PDE1A: variants seen among roughly 807,000 people sequenced by gnomAD.
PDE1A encodes the protein dual specificity calcium/calmodulin-dependent 3',5'-cyclic nucleotide phosphodiesterase 1A.
Under a neutral mutation model 61.7 loss-of-function variants are expected in PDE1A, and 35 were observed. The ratio of observed to expected loss-of-function variants is 0.57; its 90% confidence interval spans 0.43 to 0.75. The LOEUF (loss-of-function observed/expected upper bound fraction) is 0.75, where lower values mean the gene tolerates loss of function less well. Among genes scored for constraint, PDE1A ranks in the 30% least tolerant of loss-of-function variants. The probability of loss-of-function intolerance (pLI) is 0.00; values close to 1 mark genes in which losing one functional copy is unlikely to be tolerated. For missense variants in PDE1A, 597 were observed against 630.6 expected (o/e 0.95, Z 0.57); for synonymous variants, 232 against 213.2 (o/e 1.09, Z -0.77).
intron 13 of PDE1A, among the ~76,000 whole-genome samples, chr2:182,182,258 G>T (rs943111963): frequency 2.0e-5 from 3 of 152,100 alleles, no homozygotes; most frequent in African/African-American, 4.8e-5. Context: ...CATCATTTTT[G>T]ATTCTTCTCT....
At chr2:182,163,721 G>A (rs1250124764), downstream of PDE1A, among the ~76,000 whole-genome samples, 4 of 152,148 alleles carry the variant, frequency 2.6e-5, no homozygotes, top group Non-Finnish European at 5.9e-5. Flanking sequence ...ACATATTTGG[G>A]TGTGTTACCC....
intron 1 of PDE1A, among the ~76,000 whole-genome samples, chr2:182,366,481 C>T (rs751860604): frequency 6.6e-6 from 1 of 151,994 alleles, no homozygotes; most frequent in Non-Finnish European, 1.5e-5. Flanking sequence ...AAACTAACCA[C>T]CTCTCTATAA....
intron 4 of PDE1A, 51 bp from the exon 5 acceptor site, chr2:182,231,182 C>A (rs140972566): frequency 1.9e-4 from 177 of 919,262 alleles, no homozygotes; most frequent in African/African-American, 1.3e-3. Context: ...ACTGTTTCTA[C>A]GAGAATTTAT....
chr2:182,147,196 C>T (rs773951853), intron 13 of PDE1A, 44 bp from the exon 14 acceptor site: 1 of 1,210,848 alleles, frequency 8.3e-7, no homozygotes, highest in South Asian at 1.3e-5. Context: ...CAAAATAAGG[C>T]TTTGGAAAAA....
At chr2:182,701,670 G>C in the PDE1A span, among the ~76,000 whole-genome samples, 1 of 151,884 alleles carries the variant, frequency 6.6e-6, no homozygotes, top group Non-Finnish European at 1.5e-5. Context: ...CACTGTGTCC[G>C]GGCTGGCTTG....
At chr2:182,479,367 C>A (rs1687566970) in intron 2 of PDE1A, among the ~76,000 whole-genome samples, 1 of 151,926 alleles carries the variant, frequency 6.6e-6, no homozygotes, top group South Asian at 2.1e-4. Context: ...CATAACAATT[C>A]TTGGATAAAT....
At chr2:182,233,261 C>G (rs1689728289) in intron 4 of PDE1A, among the ~76,000 whole-genome samples, 1 of 152,122 alleles carries the variant, frequency 6.6e-6, no homozygotes, top group Non-Finnish European at 1.5e-5. Context: ...GCACCAGGGA[C>G]TAGTTGTGTG....
At chr2:182,678,199 C>T in the PDE1A span, among the ~76,000 whole-genome samples, 11 of 152,040 alleles carry the variant, frequency 7.2e-5, no homozygotes, top group Non-Finnish European at 1.0e-4. Flanking sequence ...CCAAGGCAGG[C>T]GGATCATGAG....
chr2:182,367,825 AT>A (rs1412236374), intron 1 of PDE1A, among the ~76,000 whole-genome samples: 1 of 151,614 alleles, frequency 6.6e-6, no homozygotes, highest in Admixed American at 6.6e-5. Flanking sequence ...TCTTATTTTT[AT>A]TTATTATCTG....
chr2:182,264,428 G>A lies in PDE1A; in HGVS notation c.54-14C>T. The A allele has an allele frequency of 6.3e-7, 1 of 1,575,254 alleles. No individual in the cohort carries two copies. Among genetic ancestry groups the A allele is most frequent in the East Asian group, 2.2e-5 (1 of 44,670 alleles). On this transcript the variant is annotated splice_polypyrimidine_tract_variant and intron_variant, in intron 1 of 13. Transcript: ENST00000351439. ...AAGCATCTTAGTCTATTTCAAAAAAGTAGCCAAAGAGAGAAAGAGCAAGGA... is the reference window on the plus strand; with the variant it reads ...AAGCATCTTAGTCTATTTCAAAAAAATAGCCAAAGAGAGAAAGAGCAAGGA...
At chr2:182,250,915 T>C (rs959413024) in intron 2 of PDE1A, among the ~76,000 whole-genome samples, 2 of 152,024 alleles carry the variant, frequency 1.3e-5, no homozygotes. Context: ...CAAAGAATGT[T>C]GAGGGGAAGG....
chr2:182,539,525 A>T, the PDE1A span, among the ~76,000 whole-genome samples: 1 of 152,224 alleles, frequency 6.6e-6, no homozygotes, highest in Non-Finnish European at 1.5e-5. Flanking sequence ...ATAAAAACCA[A>T]TAGTTTCTAT....
chr2:182,480,043 C>T lies in PDE1A; in HGVS notation c.101+42233G>A, dbSNP rs181804456. ...GGGACTTTTTCTATTAAACATTCAG[C>T]ACCATTATGGTGAAGAACAGTAATC... On this transcript the variant is annotated intron_variant, in intron 2 of 14. Transcript: ENST00000410103. Among the ~76,000 whole-genome samples the T allele has an allele frequency of 1.3e-3, 197 of 152,004 alleles. 1 individual carries two copies. Among genetic ancestry groups the T allele is most frequent in the African/African-American group, 4.6e-3 (192 of 41,528 alleles).
upstream of PDE1A, among the ~76,000 whole-genome samples, chr2:182,527,048 T>C (rs552925379): frequency 2.8e-4 from 42 of 151,482 alleles, no homozygotes; most frequent in South Asian, 5.2e-3. Context: ...ATAAAAGATA[T>C]TCTATTTTTT....
chr2:182,626,734 T>C, the PDE1A span, among the ~76,000 whole-genome samples: 25 of 32,310 alleles, frequency 7.7e-4, 2 homozygotes, highest in South Asian at 4.6e-3. Context: ...TATATATATA[T>C]ATACATATAT....
At chr2:182,696,113 A>G in the PDE1A span, among the ~76,000 whole-genome samples, 1 of 152,208 alleles carries the variant, frequency 6.6e-6, no homozygotes, top group African/African-American at 2.4e-5. Context: ...ACTCCTTGGT[A>G]TTTACTCAAA....
chr2:182,280,889 A>G (rs1036123013), intron 1 of PDE1A, among the ~76,000 whole-genome samples: 7 of 151,874 alleles, frequency 4.6e-5, no homozygotes, highest in African/African-American at 1.7e-4. Context: ...CAAGGTAAAA[A>G]CTTCTTTTTA....
intron 2 of PDE1A, among the ~76,000 whole-genome samples, chr2:182,246,033 T>C (rs1250863904): frequency 6.6e-6 from 1 of 152,162 alleles, no homozygotes; most frequent in African/African-American, 2.4e-5. Flanking sequence ...CCCCTGTCAG[T>C]CTCTTCTTCC....
chr2:182,627,256 A>AT, the PDE1A span, among the ~76,000 whole-genome samples: 3 of 32,258 alleles, frequency 9.3e-5, no homozygotes, highest in South Asian at 9.3e-4. Context: ...TAAATAATAT[A>AT]TTATTTATAT....
Sources: gnomAD v4.1 joint callset for allele counts (sites outside exome capture counted in the v4.1 genomes callset) on GRCh38, gnomAD v4.1.1 for gene constraint, MANE v1.5 for transcripts, NCBI Gene and HGNC (gene_info 2026-07-23, HGNC 2026-07-21) for gene names.